Variants in LRP1B observed in about 807,000 individuals in gnomAD.
LRP1B encodes low-density lipoprotein receptor-related protein 1B.
In LRP1B, 217 loss-of-function variants were observed where a neutral mutation model predicts 556.6. The observed-to-expected ratio is 0.39, with a 90% CI of 0.35 to 0.44. The LOEUF (loss-of-function observed/expected upper bound fraction) is 0.44. Among genes scored for constraint, LRP1B ranks in the 20% least tolerant of loss-of-function variants. The pLI is 1.00. For missense variants in LRP1B, 5,053 were observed against 5,620.8 expected, an observed-to-expected ratio of 0.90 and a Z score of 3.23; for synonymous variants, 2,047 against 1,865.8, an observed-to-expected ratio of 1.10 and a Z score of -2.50.
intron 2 of LRP1B, among the ~76,000 whole-genome samples, chr2:141,799,852 G>C (rs974275105): frequency 6.7e-6 from 1 of 150,018 alleles, no homozygotes; most frequent in South Asian, 2.1e-4. Context: ...GAGAGGCTAA[G>C]ATAATGTTAT....
chr2:141,605,018 G>C (rs1205700071), intron 2 of LRP1B, among the ~76,000 whole-genome samples: 2 of 152,050 alleles, frequency 1.3e-5, no homozygotes, highest in Non-Finnish European at 2.9e-5. Flanking sequence ...TGGGCCAGTA[G>C]TCTCTTGCGG....
intron 3 of LRP1B, among the ~76,000 whole-genome samples, chr2:141,430,750 C>T (rs550844664): frequency 4.9e-4 from 75 of 152,162 alleles, no homozygotes; most frequent in Non-Finnish European, 8.7e-4. Context: ...AAGCCCTTGC[C>T]TTTTGGTTAT....
chr2:140,334,020 C>CA (rs772476928), intron 79 of LRP1B, among the ~76,000 whole-genome samples: 4,635 of 142,936 alleles, frequency 0.032, 83 homozygotes, highest in Non-Finnish European at 0.043. Flanking sequence ...CAAAACAAAA[C>CA]AAAAAAAAAA....
In LRP1B at chr2:141,945,697, AATT is replaced by A. The variant is rs1036702562; in HGVS notation, c.83-135299_83-135297del. On this transcript the variant is annotated intron_variant, in intron 1 of 90. Transcript: ENST00000389484. Reference sequence around the variant, plus strand: ...TTACTAAACAAATCATCTTAAATGCAATTATTAGATTTTTCCCATTCCCTGCCT... The same window carrying A: ...TTACTAAACAAATCATCTTAAATGCAATTAGATTTTTCCCATTCCCTGCCT... Among the ~76,000 whole-genome samples, 38 of 151,980 alleles carry A rather than the reference AATT, an allele frequency of 2.5e-4. 1 individual carries two copies. Among genetic ancestry groups the A allele is most frequent in the African/African-American group, 8.9e-4 (37 of 41,420 alleles).
chr2:141,842,377 T>G (rs1403809257), intron 1 of LRP1B, among the ~76,000 whole-genome samples: 2 of 152,084 alleles, frequency 1.3e-5, no homozygotes, highest in Non-Finnish European at 2.9e-5. Flanking sequence ...TTTTGCTAGA[T>G]AGTAATCTTA....
intron 1 of LRP1B, among the ~76,000 whole-genome samples, chr2:141,979,757 T>G (rs940149691): frequency 6.6e-6 from 1 of 152,108 alleles, no homozygotes; most frequent in Non-Finnish European, 1.5e-5. Context: ...AGTATAGTTA[T>G]TAGGATAATG....
intron 32 of LRP1B, among the ~76,000 whole-genome samples, chr2:140,790,870 G>A (rs921090527): frequency 6.6e-6 from 1 of 152,056 alleles, no homozygotes; most frequent in Non-Finnish European, 1.5e-5. Flanking sequence ...GGAGGCCAAG[G>A]CAGGAGGATC....
At chr2:140,759,050 T>C (rs1688832818) in intron 35 of LRP1B, among the ~76,000 whole-genome samples, 1 of 152,136 alleles carries the variant, frequency 6.6e-6, no homozygotes, top group South Asian at 2.1e-4. Context: ...GAATGTTTGT[T>C]TTTTTCCCCT....
intron 1 of LRP1B, among the ~76,000 whole-genome samples, chr2:141,949,301 G>A (rs750968000): frequency 1.2e-4 from 19 of 152,024 alleles, no homozygotes; most frequent in African/African-American, 4.1e-4. Flanking sequence ...GAAACTCACC[G>A]TCTATTTCAG....
chr2:141,530,491 T>C (rs1684833924), intron 2 of LRP1B, among the ~76,000 whole-genome samples: 1 of 151,924 alleles, frequency 6.6e-6, no homozygotes, highest in Non-Finnish European at 1.5e-5. Context: ...CAATAAATGG[T>C]TATTGAATAT....
intron 2 of LRP1B, among the ~76,000 whole-genome samples, chr2:141,588,001 C>A (rs1021856530): frequency 1.3e-5 from 2 of 152,112 alleles, no homozygotes; most frequent in African/African-American, 4.8e-5. Flanking sequence ...AATGCTAATA[C>A]CTTATTAATC....
chr2:141,847,359 T>C (rs1697689872), intron 1 of LRP1B, among the ~76,000 whole-genome samples: 2 of 151,668 alleles, frequency 1.3e-5, no homozygotes, highest in South Asian at 4.2e-4. Flanking sequence ...ACTGTAAAGA[T>C]GTAAATTCTC....
chr2:141,579,660 CT>C (rs936525023), intron 2 of LRP1B, among the ~76,000 whole-genome samples: 28 of 148,604 alleles, frequency 1.9e-4, no homozygotes, highest in African/African-American at 6.8e-4. Context: ...CATTTTCTTT[CT>C]CTATAAATTG....
chr2:140,853,677 T>C (rs531110020), intron 27 of LRP1B, among the ~76,000 whole-genome samples: 3 of 88,080 alleles, frequency 3.4e-5, no homozygotes, highest in Admixed American at 1.2e-4. Context: ...TCTTTGTATT[T>C]GTTAAAAACA....
intron 2 of LRP1B, among the ~76,000 whole-genome samples, chr2:141,518,573 T>C (rs1684410034): frequency 1.3e-5 from 2 of 152,184 alleles, no homozygotes; most frequent in South Asian, 2.1e-4. Flanking sequence ...TTGTTGTTTT[T>C]AAAGTGTTTG....
chr2:140,838,014 G>A (rs1691971050), intron 31 of LRP1B, among the ~76,000 whole-genome samples: 1 of 151,908 alleles, frequency 6.6e-6, no homozygotes, highest in South Asian at 2.1e-4. Context: ...GGTAACATGA[G>A]TACCTCTCTT....
intron 1 of LRP1B, among the ~76,000 whole-genome samples, chr2:142,050,575 G>T (rs1355087852): frequency 2.0e-5 from 3 of 152,064 alleles, no homozygotes; most frequent in African/African-American, 7.2e-5. Context: ...AATATAAAAT[G>T]ATTGGTTATT....
chr2:141,237,357 T>G (rs1389699558), intron 5 of LRP1B, among the ~76,000 whole-genome samples: 2 of 150,554 alleles, frequency 1.3e-5, no homozygotes, highest in East Asian at 2.0e-4. Context: ...TCTAGTGTTT[T>G]TTTTTTTTTT....
chr2:142,041,738 T>A (rs746491725), intron 1 of LRP1B, among the ~76,000 whole-genome samples: 1 of 151,510 alleles, frequency 6.6e-6, no homozygotes, highest in Non-Finnish European at 1.5e-5. Flanking sequence ...CACAGTTCAC[T>A]GGGAAGTAGG....
Sources: gnomAD v4.1 joint callset for allele counts (sites outside exome capture counted in the v4.1 genomes callset) on GRCh38, gnomAD v4.1.1 for gene constraint, MANE v1.5 for transcripts, NCBI Gene and HGNC (gene_info 2026-07-23, HGNC 2026-07-21) for gene names.